Variants in GALNT15 observed in about 807,000 individuals in gnomAD.
The protein encoded by GALNT15 is UDP-GalNAc transferase T15.
Under a neutral mutation model 66.8 loss-of-function variants are expected in GALNT15, and 67 were observed. That is an observed-to-expected ratio of 1.00 (90% CI 0.82 to 1.23). The LOEUF is 1.23. GALNT15 is among the 50% of genes most tolerant of loss of function. GALNT15 has a pLI of 0.00. For synonymous variants in GALNT15, 313 were observed against 311.5 expected (o/e 1.00, Z -0.05); for missense variants, 827 against 804.3 (o/e 1.03, Z -0.34).
At position 16,177,015 on chromosome 3, in the gene GALNT15, A is replaced by G. The variant is rs1379099557; in HGVS notation, c.539+1325A>G. 2.6e-5 allele frequency among the ~76,000 whole-genome samples: 4 copies of G among 152,134 alleles called. No homozygotes were observed. In the East Asian group the frequency reaches 7.7e-4, roughly 29 times the overall value. On this transcript the variant is annotated intron_variant, in intron 1 of 9. Transcript: ENST00000339732. ...GCTATTTTCAGGAAATTCCCACCCC[A>G]TTCTAGTTTTGTGCCCTCCTTGCAC...
Position 16,203,598 on chromosome 3 carries a change from C to CTGA in GALNT15, c.911+2777_911+2779dup, listed in dbSNP as rs2063727338. On this transcript the variant is annotated intron_variant, in intron 3 of 9. Coordinates refer to ENST00000339732, the MANE Select transcript of GALNT15 (RefSeq NM_054110.5). The surrounding 1 kb of genome is among the most constrained non-coding windows in gnomAD (Gnocchi z 6.2). ...ACACACACACACACACAGTGGGCCT[C>CTGA]TGATCCTGGTGTGTTACTGGCTTGC... Among the ~76,000 whole-genome samples, 1 of 148,240 alleles carries CTGA rather than the reference C, an allele frequency of 6.7e-6. No homozygotes were observed. The highest frequency in any genetic ancestry group is 1.5e-5 in the Non-Finnish European group (1 of 67,284).
rs1271550067 is a variant in GALNT15, at chr3:16,224,898, A to G, written c.1773+2140A>G. On this transcript the variant is annotated intron_variant, in intron 9 of 9. Coordinates refer to ENST00000339732, the MANE Select transcript of GALNT15 (RefSeq NM_054110.5). This position sits in a 1 kb window ranked among gnomAD's most constrained non-coding sequence, Gnocchi z 5.2. ...GTAATCTGCCTGCCTCGGCCTCCCA[A>G]AGTGCTGGGATTACAAGTGTGAGCC... 6.6e-6 allele frequency among the ~76,000 whole-genome samples: 1 copy of G among 152,102 alleles called. No individual in the cohort carries two copies. The highest frequency in any genetic ancestry group is 2.4e-5 in the African/African-American group (1 of 41,414).
In GALNT15 at chr3:16,175,250, G is replaced by A. The variant is rs752320649; in HGVS notation, c.99G>A (p.Leu33=). The change falls in exon 1 of 10, where the codon TTG becomes TTA. Residue 33 remains leucine, a synonymous_variant. Transcript: ENST00000339732. This position sits in a 1 kb window ranked among gnomAD's most constrained non-coding sequence, Gnocchi z 5.6. ...LGCVLMMVAM[L]HPPHHTLHQT... ...GCGTCCTGATGATGGTGGCGATGTT[G>A]CACCCTCCCCACCACACCCTGCACC... 6.2e-7 allele frequency: 1 copy of A among 1,614,150 alleles called. No homozygotes were observed. The highest frequency in any genetic ancestry group is 8.5e-7 in the Non-Finnish European group (1 of 1,180,034).
rs192896597 is a variant in GALNT15, at chr3:16,210,332, G to A, written c.1080-792G>A. Among the ~76,000 whole-genome samples, 287 of 152,180 alleles carry A rather than the reference G, an allele frequency of 1.9e-3. 1 individual carries two copies. Among genetic ancestry groups the A allele is most frequent in the African/African-American group, 6.6e-3 (272 of 41,516 alleles). ...TTACAATATCAGTTTTTAGTATTTTGGTATAATGTAGAATTTTTATAACCT... is the reference window on the plus strand; with the variant it reads ...TTACAATATCAGTTTTTAGTATTTTAGTATAATGTAGAATTTTTATAACCT... On this transcript the variant is annotated intron_variant, in intron 4 of 9. Transcript: ENST00000339732.
chr3:16,226,668 T>C (rs1359279434), intron 9 of GALNT15, among the ~76,000 whole-genome samples: 2 of 152,182 alleles, frequency 1.3e-5, no homozygotes, highest in Admixed American at 6.5e-5. Context: ...CTTCCAACAC[T>C]GGGAATTACA....
chr3:16,231,694 A>G (rs1362497768), downstream of GALNT15: 1 of 888,944 alleles, frequency 1.1e-6, no homozygotes, highest in Non-Finnish European at 1.8e-6. This position sits in a 1 kb window ranked among gnomAD's most constrained non-coding sequence, Gnocchi z 4.1. Context: ...CAAACTGTTC[A>G]GCTAGCTCAT....
At chr3:16,216,576 A>C (rs1462327846) in intron 6 of GALNT15, among the ~76,000 whole-genome samples, 2 of 151,528 alleles carry the variant, frequency 1.3e-5, no homozygotes, top group Non-Finnish European at 2.9e-5. Flanking sequence ...GGGGGACTTG[A>C]GCGATCAATT....
chr3:16,193,841 T>C lies in GALNT15; in HGVS notation c.540-1919T>C, dbSNP rs1486121592. 3.3e-5 allele frequency among the ~76,000 whole-genome samples: 5 copies of C among 152,234 alleles called. No individual in the cohort carries two copies. Among genetic ancestry groups the C allele is most frequent in the South Asian group, 2.1e-4 (1 of 4,826 alleles). ...ACATAGTTTGAGCAGCAGCTGCAACTCAGAAAGAGGCTCTTCAGAAACACA... is the reference window on the plus strand; with the variant it reads ...ACATAGTTTGAGCAGCAGCTGCAACCCAGAAAGAGGCTCTTCAGAAACACA... On this transcript the variant is annotated intron_variant, in intron 1 of 9. Transcript: ENST00000339732. The surrounding 1 kb of genome is among the most constrained non-coding windows in gnomAD (Gnocchi z 4.7).
intron 1 of GALNT15, among the ~76,000 whole-genome samples, chr3:16,194,126 G>C (rs1020278206): frequency 6.6e-6 from 1 of 152,200 alleles, no homozygotes; most frequent in African/African-American, 2.4e-5. Context: ...CCAGCAATGT[G>C]AGCTTTGATG....
chr3:16,231,363 G>T (rs1018014385), downstream of GALNT15, among the ~76,000 whole-genome samples: 5 of 152,140 alleles, frequency 3.3e-5, no homozygotes, highest in African/African-American at 9.7e-5. The surrounding 1 kb of genome is among the most constrained non-coding windows in gnomAD (Gnocchi z 4.1). Context: ...CTTCTTTCCA[G>T]TTCCAACTCC....
chr3:16,178,012 C>A (rs1414904762), intron 1 of GALNT15, among the ~76,000 whole-genome samples: 1 of 151,864 alleles, frequency 6.6e-6, no homozygotes, highest in Admixed American at 6.6e-5. Context: ...GTATCTTGTG[C>A]ATGTGGTGTG....
chr3:16,243,661 AT>A, the GALNT15 span, among the ~76,000 whole-genome samples: 1 of 152,222 alleles, frequency 6.6e-6, no homozygotes, highest in East Asian at 1.9e-4. Flanking sequence ...GGGTTAGGTG[AT>A]TTGGGAAAAG....
the GALNT15 span, among the ~76,000 whole-genome samples, chr3:16,238,935 C>T: frequency 6.6e-6 from 1 of 152,304 alleles, no homozygotes; most frequent in East Asian, 1.9e-4. This position sits in a 1 kb window ranked among gnomAD's most constrained non-coding sequence, Gnocchi z 4.8. Flanking sequence ...ACAGGCAGTT[C>T]TGTGCCTGGT....
chr3:16,243,978 G>C, the GALNT15 span: 2 of 984,670 alleles, frequency 2.0e-6, no homozygotes, highest in South Asian at 4.7e-5. Context: ...GTCAGACCTG[G>C]GGGTTGATGA....
Position 16,228,545 on chromosome 3 carries a change from G to A in GALNT15, c.*1045G>A. On this transcript the variant is annotated 3_prime_UTR_variant, in exon 10 of 10. Transcript: ENST00000339732. Reference sequence around the variant, plus strand: ...AATCCCAGCTACTTGGGAGGCTGAGGCAAGAGAATCGCTTGAACCCAGGAG... The same window carrying A: ...AATCCCAGCTACTTGGGAGGCTGAGACAAGAGAATCGCTTGAACCCAGGAG... 1.5e-6 allele frequency: 1 copy of A among 682,818 alleles called. No individual in the cohort carries two copies. Among genetic ancestry groups the A allele is most frequent in the Non-Finnish European group, 1.8e-6 (1 of 554,518 alleles). The allele number at this position is 682,818 out of a possible 1,614,324, so 42.3% of individuals were successfully genotyped here. A position where few individuals can be genotyped will look rare whatever the true frequency, so the allele number is the denominator to read the frequency against.
chr3:16,240,613 C>G, the GALNT15 span, among the ~76,000 whole-genome samples: 1 of 152,210 alleles, frequency 6.6e-6, no homozygotes, highest in South Asian at 2.1e-4. Flanking sequence ...ATATGCCCAG[C>G]TTATAGTGAT....
Position 16,189,140 on chromosome 3 carries a change from C to G in GALNT15, c.540-6620C>G, listed in dbSNP as rs144223753. On this transcript the variant is annotated intron_variant, in intron 1 of 9. Coordinates refer to ENST00000339732, the MANE Select transcript of GALNT15 (RefSeq NM_054110.5). The surrounding 1 kb of genome is among the most constrained non-coding windows in gnomAD (Gnocchi z 5.1). ...CTGGATGAGCAAGAAGATTGGAGAG[C>G]TTTGCTCCCGGTGGCAGCCTGAATC... Among the ~76,000 whole-genome samples, 1,086 of 152,332 alleles carry G rather than the reference C, an allele frequency of 7.1e-3. 4 individuals carry two copies. The highest frequency in any genetic ancestry group is 0.011 in the Non-Finnish European group (773 of 68,034).
At position 16,211,078 on chromosome 3, in the gene GALNT15, G is replaced by T. The variant is rs768817926; in HGVS notation, c.1080-46G>T. 3 of 1,427,460 alleles carry T rather than the reference G, an allele frequency of 2.1e-6. No homozygotes were observed. Among genetic ancestry groups the T allele is most frequent in the Non-Finnish European group, 3.0e-6 (3 of 1,011,428 alleles). 88.4% of individuals were successfully genotyped at this position (1,427,460 alleles called of 1,614,324 possible). A position where few individuals can be genotyped will look rare whatever the true frequency, so the allele number is the denominator to read the frequency against. ...CCCAGCCCCCAGCCTCGCCTGCTGT[G>T]CTCTGGGTTCTGAACTGCAGTGTCC... is the stretch of plus-strand genomic sequence containing the variant. On this transcript the variant is annotated intron_variant, in intron 4 of 9. Coordinates refer to ENST00000339732, the MANE Select transcript of GALNT15 (RefSeq NM_054110.5). The surrounding 1 kb of genome is among the most constrained non-coding windows in gnomAD (Gnocchi z 4.3).
rs1438981350 is a variant in GALNT15 at position 16,228,904 on chromosome 3, G to A, written c.*1404G>A. On this transcript the variant is annotated 3_prime_UTR_variant, in exon 10 of 10. Coordinates refer to ENST00000339732, the MANE Select transcript of GALNT15 (RefSeq NM_054110.5). ...ATGTCCATGAGTGTGGGAAGAACAC[G>A]GCTCATCTGGAGCACAGCTGAGGCT... 6 of 985,288 alleles carry A rather than the reference G, an allele frequency of 6.1e-6. No individual in the cohort carries two copies. Among genetic ancestry groups the A allele is most frequent in the East Asian group, 1.1e-4 (1 of 8,828 alleles). The allele number at this position is 985,288 out of a possible 1,614,324, so 61.0% of individuals were successfully genotyped here.
Sources: allele counts gnomAD v4.1 joint callset (sites outside exome capture counted in the v4.1 genomes callset), GRCh38; gene constraint gnomAD v4.1.1; non-coding constraint Gnocchi (gnomAD v3.1); transcripts MANE v1.5; gene names NCBI Gene and HGNC (gene_info 2026-07-23, HGNC 2026-07-21).